The following SDK2 variants were observed in gnomAD, a reference collection of about 807,000 sequenced individuals.
SDK2 encodes protein sidekick-2.
SDK2 carries 105 observed loss-of-function variants against 253.9 expected under a neutral mutation model. The observed-to-expected ratio is 0.41, with a 90% CI of 0.35 to 0.49. SDK2 has a LOEUF of 0.49. Among genes scored for constraint, SDK2 ranks in the 20% least tolerant of loss-of-function variants. SDK2 has a pLI of 0.06. For synonymous variants in SDK2, 1,249 were observed against 1,234.9 expected (o/e 1.01, Z -0.24); for missense variants, 2,608 against 3,003.0 (o/e 0.87, Z 3.07).
intron 1 of SDK2, among the ~76,000 whole-genome samples, chr17:73,535,228 G>A (rs1476156888): frequency 6.6e-6 from 1 of 152,214 alleles, no homozygotes; most frequent in East Asian, 1.9e-4. Flanking sequence ...TTCCTTGAGA[G>A]CAGGACTATG....
chr17:73,644,169 G>A lies in SDK2; in HGVS notation c.-81C>T. The A allele has an allele frequency of 8.3e-7, 1 of 1,201,496 alleles. No individual in the cohort carries two copies. Among genetic ancestry groups the A allele is most frequent in the Non-Finnish European group, 1.2e-6 (1 of 832,510 alleles). The allele number at this position is 1,201,496 out of a possible 1,614,324, so 74.4% of individuals were successfully genotyped here. On this transcript the variant is annotated 5_prime_UTR_variant, in exon 1 of 45. The change creates a new upstream start codon in the 5' untranslated region. Coordinates refer to ENST00000392650, the MANE Select transcript of SDK2 (RefSeq NM_001144952.2). The surrounding 1 kb of genome is among the most constrained non-coding windows in gnomAD (Gnocchi z 6.3). ...TAATCCTGGTGGGGTCCGATACCCC[G>A]TGGCTTAGTCCCAGGAAACAGTCAG...
At chr17:73,628,624 G>A (rs986748501) in intron 1 of SDK2, among the ~76,000 whole-genome samples, 10 of 152,216 alleles carry the variant, frequency 6.6e-5, no homozygotes, top group African/African-American at 2.2e-4. Flanking sequence ...CACCTGGGAC[G>A]GGCCCAGAGA....
At chr17:73,348,564 GC>G in intron 44 of SDK2, 34 bp downstream of exon 44, 1 of 1,605,530 alleles carries the variant, frequency 6.2e-7, no homozygotes. Flanking sequence ...GCTGCTCCCT[GC>G]CCCCTGCAGG....
intron 2 of SDK2, among the ~76,000 whole-genome samples, chr17:73,493,248 C>A (rs2063819665): frequency 6.6e-6 from 1 of 152,152 alleles, no homozygotes; most frequent in Non-Finnish European, 1.5e-5. Context: ...TGAAACCCTT[C>A]CTAATTTGCA....
intron 1 of SDK2, among the ~76,000 whole-genome samples, chr17:73,597,222 T>C (rs2045772239): frequency 6.6e-6 from 1 of 152,198 alleles, no homozygotes; most frequent in Non-Finnish European, 1.5e-5. Context: ...AGACTCTCCC[T>C]GGTGCTGGCT....
chr17:73,356,052 C>T (rs961895045), intron 40 of SDK2, among the ~76,000 whole-genome samples: 2 of 152,204 alleles, frequency 1.3e-5, no homozygotes, highest in African/African-American at 4.8e-5. Flanking sequence ...ACTACTGTCC[C>T]CATTTTACAG....
In SDK2 at chr17:73,618,866, C is replaced by T. The variant is rs937950722; in HGVS notation, c.64+25159G>A. Among the ~76,000 whole-genome samples the T allele has an allele frequency of 5.3e-5, 8 of 151,926 alleles. No individual in the cohort carries two copies. Among genetic ancestry groups the T allele is most frequent in the African/African-American group, 1.5e-4 (6 of 41,342 alleles). The stretch of plus-strand genomic sequence containing the variant: ...ACAACTATGAACCCTGGACAGAACA[C>T]CAAAAAAGCAACTATTAGGGCTGGG... On this transcript the variant is annotated intron_variant, in intron 1 of 44. Transcript: ENST00000392650. This position sits in a 1 kb window ranked among gnomAD's most constrained non-coding sequence, Gnocchi z 4.1.
chr17:73,413,644 G>A (rs1366341442), intron 18 of SDK2, among the ~76,000 whole-genome samples: 1 of 152,150 alleles, frequency 6.6e-6, no homozygotes, highest in Non-Finnish European at 1.5e-5. Context: ...TCATTGTGCT[G>A]AACAAATTAG....
intron 1 of SDK2, among the ~76,000 whole-genome samples, chr17:73,566,939 A>C (rs556005421): frequency 6.6e-6 from 1 of 152,270 alleles, no homozygotes; most frequent in South Asian, 2.1e-4. Context: ...GGTAGAGAAC[A>C]AAAGTGCCTT....
At chr17:73,430,471 CCCCT>C (rs1337943082) in intron 12 of SDK2, 36 bp downstream of exon 12, 17 of 1,469,750 alleles carry the variant, frequency 1.2e-5, no homozygotes, top group Non-Finnish European at 1.6e-5. Context: ...CCAGAGGCTC[CCCCT>C]CCCCTCTTGC....
At chr17:73,590,923 A>G (rs556811012) in intron 1 of SDK2, among the ~76,000 whole-genome samples, 1 of 152,030 alleles carries the variant, frequency 6.6e-6, no homozygotes, top group Non-Finnish European at 1.5e-5. Flanking sequence ...GTTTATGTTT[A>G]TTTATTTATT....
Position 73,567,005 on chromosome 17 carries a change from T to C in SDK2, c.65-59408A>G, listed in dbSNP as rs113362298. ...TAACCTCCTGCTAGATAAATTTACA[T>C]GACTAAACGGGAGTCAAGCACGAAT... On this transcript the variant is annotated intron_variant, in intron 1 of 44. Coordinates refer to ENST00000392650, the MANE Select transcript of SDK2 (RefSeq NM_001144952.2). Among the ~76,000 whole-genome samples, 1,357 of 152,092 alleles carry C rather than the reference T, an allele frequency of 8.9e-3. 16 individuals are homozygous for C. The highest frequency in any genetic ancestry group is 0.041 in the Middle Eastern group (12 of 294).
chr17:73,458,849 C>T (rs1239480147), intron 3 of SDK2, among the ~76,000 whole-genome samples: 1 of 152,102 alleles, frequency 6.6e-6, no homozygotes, highest in Non-Finnish European at 1.5e-5. Context: ...ACTAATAATA[C>T]AAAAATTAGC....
chr17:73,413,742 G>A (rs1456236603), intron 18 of SDK2, among the ~76,000 whole-genome samples: 1 of 152,166 alleles, frequency 6.6e-6, no homozygotes, highest in African/African-American at 2.4e-5. Flanking sequence ...GTTTATTTTA[G>A]TTATTCAGCG....
At chr17:73,610,052 A>T (rs558017101) in intron 1 of SDK2, among the ~76,000 whole-genome samples, 33 of 152,284 alleles carry the variant, frequency 2.2e-4, no homozygotes, top group African/African-American at 7.5e-4. Flanking sequence ...CCCCACGGAG[A>T]CATGGGGAAG....
At chr17:73,376,544 G>A (rs1327245612) in intron 36 of SDK2, among the ~76,000 whole-genome samples, 2 of 152,210 alleles carry the variant, frequency 1.3e-5, no homozygotes, top group African/African-American at 4.8e-5. Flanking sequence ...AGGTCCAGGA[G>A]GTAGCACTTT....
chr17:73,635,926 C>T (rs2046323876), intron 1 of SDK2, among the ~76,000 whole-genome samples: 1 of 152,108 alleles, frequency 6.6e-6, no homozygotes, highest in East Asian at 1.9e-4. Flanking sequence ...GAGGACACAG[C>T]CAGGGTGGAG....
At position 73,338,816 on chromosome 17, in the gene SDK2, G is replaced by A; in HGVS notation, c.6290C>T (p.Ala2097Val). 6.2e-7 allele frequency: 1 copy of A among 1,613,994 alleles called. No individual in the cohort carries two copies. The highest frequency in any genetic ancestry group is 8.5e-7 in the Non-Finnish European group (1 of 1,179,896). ...GCTCTCCGTGTAGCTGTAGGCCTGTGCCCTCGAGATGCCCTTCTGCTGTCG... is the reference window on the plus strand; with the variant it reads ...GCTCTCCGTGTAGCTGTAGGCCTGTACCCTCGAGATGCCCTTCTGCTGTCG... ...WRRQQKGISR[A>V]QAYSYTESDS... The change falls in exon 45 of 45, where the codon GCA (alanine) becomes GTA (valine). Residue 2097 changes from alanine to valine, a missense_variant. Physicochemically the swap from Ala to Val is moderately conservative, Grantham distance 64 (BLOSUM62 0). Transcript: ENST00000392650. The surrounding 1 kb of genome is among the most constrained non-coding windows in gnomAD (Gnocchi z 5.0).
intron 14 of SDK2, 147 bp downstream of exon 14, chr17:73,423,239 A>G (rs1467692474): frequency 2.8e-6 from 2 of 708,324 alleles, no homozygotes; most frequent in African/African-American, 3.7e-5. Flanking sequence ...TGTTTCCTTC[A>G]GAGATGGGAA....
Sources: gnomAD v4.1 joint callset for allele counts (sites outside exome capture counted in the v4.1 genomes callset) on GRCh38, gnomAD v4.1.1 for gene constraint, Gnocchi (gnomAD v3.1) non-coding constraint, MANE v1.5 for transcripts, NCBI Gene and HGNC (gene_info 2026-07-23, HGNC 2026-07-21) for gene names.